IKZF2: variants seen among roughly 807,000 people sequenced by gnomAD.
The protein encoded by IKZF2 is zinc finger protein Helios.
A neutral mutation model predicts 49.2 loss-of-function variants in IKZF2; 15 were observed. The ratio of observed to expected loss-of-function variants is 0.30; its 90% confidence interval spans 0.20 to 0.47. The LOEUF is 0.47. Ranked by LOEUF, IKZF2 falls within the 20% of genes least tolerant of loss-of-function variation. The probability of loss-of-function intolerance (pLI) is 1.00; values close to 1 mark genes in which losing one functional copy is unlikely to be tolerated. For synonymous variants in IKZF2, 227 were observed against 221.4 expected, an observed-to-expected ratio of 1.03 and a Z score of -0.23; for missense variants, 567 against 664.6, an observed-to-expected ratio of 0.85 and a Z score of 1.61.
At chr2:213,025,491 T>C (rs1204684684) in intron 6 of IKZF2, among the ~76,000 whole-genome samples, 1 of 152,164 alleles carries the variant, frequency 6.6e-6, no homozygotes, top group Non-Finnish European at 1.5e-5. Context: ...ATAACAACTG[T>C]GTTGTAATTA....
At chr2:213,133,703 A>AAAT (rs1553602155) in intron 4 of IKZF2, among the ~76,000 whole-genome samples, 3 of 145,398 alleles carry the variant, frequency 2.1e-5, no homozygotes, top group Admixed American at 6.9e-5. Context: ...CCGTCTCGAA[A>AAAT]AAATAAATAA....
intron 4 of IKZF2, among the ~76,000 whole-genome samples, chr2:213,110,560 C>G (rs2059672680): frequency 6.6e-6 from 1 of 151,778 alleles, no homozygotes; most frequent in Non-Finnish European, 1.5e-5. Flanking sequence ...TTTAATCAAT[C>G]CACTACTGAT....
At chr2:213,148,023 AAC>A (rs1012408392) in intron 3 of IKZF2, among the ~76,000 whole-genome samples, 23 of 152,238 alleles carry the variant, frequency 1.5e-4, no homozygotes, top group Admixed American at 9.2e-4. Context: ...AAAAAAAATT[AAC>A]AAAACTTTAT....
chr2:213,144,274 T>C (rs1011807221), intron 4 of IKZF2, among the ~76,000 whole-genome samples: 2 of 151,958 alleles, frequency 1.3e-5, no homozygotes, highest in Non-Finnish European at 2.9e-5. Flanking sequence ...TTAACAGCTT[T>C]AAAGTAATAG....
intron 4 of IKZF2, among the ~76,000 whole-genome samples, chr2:213,076,880 C>A (rs540077060): frequency 1.3e-5 from 2 of 151,804 alleles, no homozygotes; most frequent in African/African-American, 2.4e-5. Context: ...CCAGCCTGGG[C>A]GACAAAGCCA....
intron 4 of IKZF2, among the ~76,000 whole-genome samples, chr2:213,089,852 A>T (rs1705096398): frequency 6.6e-6 from 1 of 152,198 alleles, no homozygotes; most frequent in Admixed American, 6.5e-5. Flanking sequence ...CTTACAGTAA[A>T]GGAATGACAG....
intron 6 of IKZF2, among the ~76,000 whole-genome samples, chr2:213,048,511 A>G (rs1490204298): frequency 4.6e-5 from 7 of 152,152 alleles, no homozygotes; most frequent in Admixed American, 1.3e-4. Flanking sequence ...GTATATTTCA[A>G]TAAAGAACTT....
At chr2:213,023,491 C>T (rs950626338) in intron 6 of IKZF2, among the ~76,000 whole-genome samples, 1 of 152,028 alleles carries the variant, frequency 6.6e-6, no homozygotes, top group Non-Finnish European at 1.5e-5. Flanking sequence ...TTTTTTGGAA[C>T]CATGGATTTC....
chr2:213,150,085 C>A (rs997119410), intron 2 of IKZF2, 59 bp downstream of exon 2: 3 of 996,958 alleles, frequency 3.0e-6, no homozygotes, highest in African/African-American at 1.7e-5. Flanking sequence ...TGGTTATTAA[C>A]CCTCAGAGAA....
At chr2:213,139,773 CCTAT>C (rs556390831) in intron 4 of IKZF2, among the ~76,000 whole-genome samples, 42 of 152,014 alleles carry the variant, frequency 2.8e-4, no homozygotes, top group African/African-American at 9.6e-4. Context: ...CCTCTGAGAA[CCTAT>C]CTAAGTGGCT....
At chr2:213,053,041 T>C (rs1700820879) in intron 5 of IKZF2, among the ~76,000 whole-genome samples, 1 of 152,124 alleles carries the variant, frequency 6.6e-6, no homozygotes, top group Non-Finnish European at 1.5e-5. Context: ...GTTTAGACTT[T>C]GTCTGAAAAA....
intron 4 of IKZF2, among the ~76,000 whole-genome samples, chr2:213,122,270 T>C (rs936067450): frequency 3.9e-5 from 6 of 152,236 alleles, no homozygotes; most frequent in Admixed American, 1.3e-4. Context: ...TTTTAGTGAT[T>C]GATGGTAAAA....
intron 4 of IKZF2, among the ~76,000 whole-genome samples, chr2:213,121,117 T>C (rs918503884): frequency 6.6e-6 from 1 of 152,258 alleles, no homozygotes; most frequent in Non-Finnish European, 1.5e-5. Flanking sequence ...TTCTCTGTCC[T>C]ATACACAATA....
At chr2:213,057,587 A>T (rs1701284215) in intron 4 of IKZF2, among the ~76,000 whole-genome samples, 1 of 152,132 alleles carries the variant, frequency 6.6e-6, no homozygotes, top group Non-Finnish European at 1.5e-5. Context: ...AAGAGAAACA[A>T]TTCAGGATCT....
intron 4 of IKZF2, among the ~76,000 whole-genome samples, chr2:213,073,420 C>T (rs926237918): frequency 1.3e-5 from 2 of 152,176 alleles, no homozygotes; most frequent in East Asian, 3.9e-4. Context: ...AAAAATTAAA[C>T]AGAAAACACT....
chr2:213,074,938 G>A (rs903559542), intron 4 of IKZF2, among the ~76,000 whole-genome samples: 1 of 152,030 alleles, frequency 6.6e-6, no homozygotes, highest in African/African-American at 2.4e-5. Flanking sequence ...CTGAAAAGGC[G>A]GTTTGTTTTC....
intron 4 of IKZF2, among the ~76,000 whole-genome samples, chr2:213,065,994 C>T (rs1702128773): frequency 1.3e-5 from 2 of 152,106 alleles, no homozygotes; most frequent in Admixed American, 6.6e-5. Context: ...CCAGCTTACA[C>T]TGCCAAATTT....
chr2:213,085,888 TGG>T (rs764589028), intron 4 of IKZF2, among the ~76,000 whole-genome samples: 2 of 152,188 alleles, frequency 1.3e-5, no homozygotes, highest in Non-Finnish European at 2.9e-5. Context: ...CCAAAAGAGA[TGG>T]ACTTTACTCA....
intron 4 of IKZF2, among the ~76,000 whole-genome samples, chr2:213,068,003 C>A (rs1049728149): frequency 6.6e-6 from 1 of 152,052 alleles, no homozygotes; most frequent in Non-Finnish European, 1.5e-5. Flanking sequence ...GAACTGAAGT[C>A]TTGGTTATTC....
Sources: allele counts gnomAD v4.1 joint callset (sites outside exome capture counted in the v4.1 genomes callset), GRCh38; gene constraint gnomAD v4.1.1; transcripts MANE v1.5; gene names NCBI Gene and HGNC (gene_info 2026-07-23, HGNC 2026-07-21).